Variants in DNAH9 observed in about 807,000 individuals in gnomAD.
DNAH9 encodes DNAH9 variant protein.
In DNAH9, 345 loss-of-function variants were observed where a neutral mutation model predicts 471.6. That is an observed-to-expected ratio of 0.73 (90% CI 0.67 to 0.80). The LOEUF is 0.80. DNAH9 is among the 30% of genes least tolerant of loss of function. The pLI, the probability that DNAH9 is intolerant of heterozygous loss-of-function variation, is 0.00. For synonymous variants in DNAH9, 2,093 were observed against 2,123.6 expected (o/e 0.99, Z 0.40); for missense variants, 5,407 against 5,609.2 (o/e 0.96, Z 1.15).
intron 57 of DNAH9, 63 bp from the exon 58 acceptor site, chr17:11,891,714 A>C: frequency 6.5e-7 from 1 of 1,531,156 alleles, no homozygotes; most frequent in South Asian, 1.2e-5. Context: ...CTTCGCAGGT[A>C]AGACCACTAG....
intron 43 of DNAH9, among the ~76,000 whole-genome samples, chr17:11,804,643 G>A: frequency 6.6e-6 from 1 of 152,172 alleles, no homozygotes; most frequent in East Asian, 1.9e-4. Context: ...AGGGAGGCCT[G>A]GCGGGTGGAT....
Position 11,769,413 on chromosome 17 carries a change from C to CT in DNAH9, c.7552+85dup, listed in dbSNP as rs1968109334. The stretch of plus-strand genomic sequence containing the variant: ...AGAGCTGAAGCCAAGCGTCAGGTGC[C>CT]TGCCTGACTTGAGTTCTGCATACCC... On this transcript the variant is annotated intron_variant, in intron 38 of 68. Transcript: ENST00000262442. 27 of 1,281,238 alleles carry CT rather than the reference C, an allele frequency of 2.1e-5. No individual in the cohort carries two copies. The South Asian group carries it at 3.4e-4, about 16-fold the overall frequency. The allele number at this position is 1,281,238 out of a possible 1,614,324, so 79.4% of individuals were successfully genotyped here.
At position 11,905,543 on chromosome 17, in the gene DNAH9, C is replaced by A. The variant is rs929980657; in HGVS notation, c.11601-118C>A. 18 of 1,101,672 alleles carry A rather than the reference C, an allele frequency of 1.6e-5. No homozygotes were observed. In the African/African-American group the frequency reaches 2.2e-4, roughly 13 times the overall value. The allele number at this position is 1,101,672 out of a possible 1,614,324, so 68.2% of individuals were successfully genotyped here. ...CTTGGAGCCAGTCCTAGCTCTATAA[C>A]TACCTAGCCCATGACCTTGAGCATG... On this transcript the variant is annotated intron_variant, in intron 60 of 68. Coordinates refer to ENST00000262442, the MANE Select transcript of DNAH9 (RefSeq NM_001372.4).
chr17:11,792,023 T>C (rs960208384), intron 41 of DNAH9, among the ~76,000 whole-genome samples: 2 of 152,092 alleles, frequency 1.3e-5, no homozygotes, highest in Non-Finnish European at 2.9e-5. Context: ...GGCTCATGCC[T>C]GTAATCCCAG....
chr17:11,952,944 G>T (rs1339598374), intron 67 of DNAH9, among the ~76,000 whole-genome samples: 1 of 152,192 alleles, frequency 6.6e-6, no homozygotes, highest in Non-Finnish European at 1.5e-5. Flanking sequence ...TGCTGGGCTT[G>T]TAGAGAGGTG....
chr17:11,822,029 G>A lies in DNAH9; in HGVS notation c.8817G>A (p.Lys2939=). The change falls in exon 46 of 69, where the codon AAG becomes AAA. Residue 2939 remains lysine (K), a synonymous_variant. Coordinates refer to ENST00000262442, the MANE Select transcript of DNAH9 (RefSeq NM_001372.4). The part of the protein sequence containing the change: ...GLVDNRENCW[K]FFIDRIRRQL... ...TTGACAACAGAGAGAACTGTTGGAAGTTCTTTATAGATCGGATCCGGCGAC... is the reference window on the plus strand; with the variant it reads ...TTGACAACAGAGAGAACTGTTGGAAATTCTTTATAGATCGGATCCGGCGAC... The A allele has an allele frequency of 6.2e-7, 1 of 1,614,036 alleles. No homozygotes were observed.
chr17:11,652,631 A>G lies in DNAH9; in HGVS notation c.2354-130A>G. 3 of 886,982 alleles carry G rather than the reference A, an allele frequency of 3.4e-6. No homozygotes were observed. In the South Asian group the frequency reaches 5.0e-5, roughly 15 times the overall value. 54.9% of individuals were successfully genotyped at this position (886,982 alleles called of 1,614,324 possible). A position where few individuals can be genotyped will look rare whatever the true frequency, so the allele number is the denominator to read the frequency against. On this transcript the variant is annotated intron_variant, in intron 13 of 68. Coordinates refer to ENST00000262442, the MANE Select transcript of DNAH9 (RefSeq NM_001372.4). ...CTAGGAGGGAGAATATTCTGACGAT[A>G]ATGAAGTTACCTGTGTAGAAAAGTC...
intron 61 of DNAH9, among the ~76,000 whole-genome samples, chr17:11,916,411 C>T (rs1034369834): frequency 6.6e-6 from 1 of 152,238 alleles, no homozygotes; most frequent in Non-Finnish European, 1.5e-5. Flanking sequence ...GCCTCTCTCT[C>T]TCTTCCTTCC....
chr17:11,704,392 A>G lies in DNAH9; in HGVS notation c.5341A>G (p.Thr1781Ala), dbSNP rs2074660351. 3.7e-6 allele frequency: 6 copies of G among 1,614,016 alleles called. No homozygotes were observed. The highest frequency in any genetic ancestry group is 5.1e-6 in the Non-Finnish European group (6 of 1,180,036). ...GDRQKIMTICTIDVHARDVVA... is the reference protein window; with the variant it reads ...GDRQKIMTICAIDVHARDVVA... ...CCGGCAGAAGATTATGACTATATGC[A>G]CCATCGATGTGCATGCCCGGGATGT... The change falls in exon 25 of 69, where the codon ACC becomes GCC. Residue 1781 changes from threonine to alanine, a missense_variant. Transcript: ENST00000262442.
chr17:11,938,943 A>G (rs1176926811), intron 66 of DNAH9, among the ~76,000 whole-genome samples: 1 of 152,214 alleles, frequency 6.6e-6, no homozygotes, highest in Non-Finnish European at 1.5e-5. Flanking sequence ...GTTTACAAGT[A>G]AACATCCTTG....
intron 10 of DNAH9, among the ~76,000 whole-genome samples, chr17:11,642,860 G>GC (rs1360190484): frequency 1.3e-5 from 2 of 152,044 alleles, no homozygotes; most frequent in Non-Finnish European, 2.9e-5. Flanking sequence ...CCTGGCAGAT[G>GC]CATCTGCTCT....
Position 11,952,309 on chromosome 17 carries a change from C to CTTTTTTTTTT in DNAH9, c.12844-9539_12844-9530dup, listed in dbSNP as rs753276964. On this transcript the variant is annotated intron_variant, in intron 67 of 68. Transcript: ENST00000262442. ...CATGCACCATTACACCCAGCTAATT[C>CTTTTTTTTTT]TTTTTTTTTTTTTTTTTTTTTTTTT... Among the ~76,000 whole-genome samples, 71 of 71,080 alleles carry CTTTTTTTTTT rather than the reference C, an allele frequency of 1.0e-3. 7 individuals are homozygous for CTTTTTTTTTT. The highest frequency in any genetic ancestry group is 3.8e-3 in the African/African-American group (61 of 16,110). 46.6% of individuals were successfully genotyped at this position (71,080 alleles called of 152,430 possible).
chr17:11,711,475 A>G (rs928296987), intron 26 of DNAH9, among the ~76,000 whole-genome samples: 3 of 152,186 alleles, frequency 2.0e-5, no homozygotes, highest in Non-Finnish European at 4.4e-5. Flanking sequence ...TCATCAGTCT[A>G]CCTCAAAACT....
chr17:11,601,293 G>A (rs1426064939), intron 1 of DNAH9, among the ~76,000 whole-genome samples: 3 of 143,010 alleles, frequency 2.1e-5, no homozygotes, highest in Non-Finnish European at 3.1e-5. Context: ...TTGCATGGAT[G>A]GTATGCTACT....
chr17:11,851,724 C>T (rs566785423), intron 49 of DNAH9, among the ~76,000 whole-genome samples: 1 of 152,282 alleles, frequency 6.6e-6, no homozygotes, highest in East Asian at 1.9e-4. Flanking sequence ...CATCATACTG[C>T]CAGCTCCATG....
At chr17:11,797,890 G>A (rs1969304024) in intron 43 of DNAH9, 97 bp downstream of exon 43, 1 of 1,268,920 alleles carries the variant, frequency 7.9e-7, no homozygotes, top group South Asian at 1.5e-5. Flanking sequence ...GTAAAGCCAG[G>A]TAAGGAGCTC....
intron 38 of DNAH9, among the ~76,000 whole-genome samples, chr17:11,780,262 C>T (rs1434164633): frequency 6.6e-6 from 1 of 152,204 alleles, no homozygotes; most frequent in East Asian, 1.9e-4. Context: ...CTGGGGAGGG[C>T]ACCGTTCATG....
intron 22 of DNAH9, among the ~76,000 whole-genome samples, chr17:11,696,445 C>A (rs1370020992): frequency 2.0e-5 from 3 of 152,134 alleles, no homozygotes; most frequent in Non-Finnish European, 4.4e-5. Flanking sequence ...TGTTGGCCAT[C>A]TGTCTTCCAG....
At chr17:11,827,610 G>A (rs149166674) in intron 48 of DNAH9, among the ~76,000 whole-genome samples, 201 of 151,898 alleles carry the variant, frequency 1.3e-3, no homozygotes, top group Non-Finnish European at 1.9e-3. Context: ...TTGACAGTTC[G>A]ACCTGAAATT....
Sources: gnomAD v4.1 joint callset for allele counts (sites outside exome capture counted in the v4.1 genomes callset) on GRCh38, gnomAD v4.1.1 for gene constraint, MANE v1.5 for transcripts, NCBI Gene and HGNC (gene_info 2026-07-23, HGNC 2026-07-21) for gene names.